Variants in PCDH15 observed in about 807,000 individuals in gnomAD.
PCDH15 encodes the protein protocadherin-15.
In PCDH15, 129 loss-of-function variants were observed where a neutral mutation model predicts 178.5. The ratio of observed to expected loss-of-function variants is 0.72; its 90% CI spans 0.63 to 0.84. The LOEUF (loss-of-function observed/expected upper bound fraction) is 0.84. Among genes scored for constraint, PCDH15 ranks in the 40% least tolerant of loss-of-function variants. The probability of loss-of-function intolerance (pLI) is 0.00; values close to 1 mark genes in which losing one functional copy is unlikely to be tolerated. For synonymous variants in PCDH15, 800 were observed against 732.0 expected, an observed-to-expected ratio of 1.09 and a Z score of -1.50; for missense variants, 2,230 against 2,099.9, an observed-to-expected ratio of 1.06 and a Z score of -1.21.
intron 2 of PCDH15, among the ~76,000 whole-genome samples, chr10:55,446,932 G>A (rs1839330853): frequency 6.6e-6 from 1 of 152,008 alleles, no homozygotes; most frequent in African/African-American, 2.4e-5. Context: ...CATTGTAAAG[G>A]TCTACATTCT....
At chr10:53,981,433 A>G (rs968071398) in intron 21 of PCDH15, among the ~76,000 whole-genome samples, 4 of 152,236 alleles carry the variant, frequency 2.6e-5, no homozygotes, top group Non-Finnish European at 4.4e-5. Context: ...ACAAGGCTAC[A>G]GTAACCAAAA....
At chr10:54,620,358 A>G (rs77895363) in intron 2 of PCDH15, among the ~76,000 whole-genome samples, 5,765 of 152,150 alleles carry the variant, frequency 0.038, 342 homozygotes, top group African/African-American at 0.13. Context: ...AATGGATTTA[A>G]TATATCAGAT....
intron 25 of PCDH15, among the ~76,000 whole-genome samples, chr10:53,914,078 C>A (rs2083350546): frequency 6.6e-6 from 1 of 152,170 alleles, no homozygotes; most frequent in South Asian, 2.1e-4. Flanking sequence ...CATCTCACAC[C>A]AGTTAGAATG....
At chr10:53,943,045 ATTAC>A (rs1339615751) in intron 23 of PCDH15, among the ~76,000 whole-genome samples, 19 of 152,194 alleles carry the variant, frequency 1.2e-4, no homozygotes, top group African/African-American at 3.6e-4. Context: ...GGAAGTAGAC[ATTAC>A]TTAAATTGTT....
intron 1 of PCDH15, chr10:55,247,881 G>T (rs1841724306): frequency 7.3e-6 from 1 of 136,602 alleles, no homozygotes; most frequent in East Asian, 2.1e-4. Context: ...GACAGAGTGA[G>T]ACGCTGTCTG....
chr10:55,031,280 T>C (rs1840603252), intron 2 of PCDH15, among the ~76,000 whole-genome samples: 1 of 152,206 alleles, frequency 6.6e-6, no homozygotes, highest in Non-Finnish European at 1.5e-5. Context: ...AATGCACTGG[T>C]ATACAGTTTA....
chr10:54,389,573 G>A (rs1420980980), intron 3 of PCDH15, among the ~76,000 whole-genome samples: 5 of 152,058 alleles, frequency 3.3e-5, no homozygotes, highest in African/African-American at 4.8e-5. Flanking sequence ...TTCGAAATCC[G>A]TATTTGCGGC....
At chr10:55,192,889 T>C (rs561724166) in intron 1 of PCDH15, among the ~76,000 whole-genome samples, 2 of 151,618 alleles carry the variant, frequency 1.3e-5, no homozygotes, top group Admixed American at 1.3e-4. Flanking sequence ...ACATATATAA[T>C]CTGTTTATTG....
chr10:54,385,291 A>G (rs1949780599), intron 3 of PCDH15, among the ~76,000 whole-genome samples: 1 of 152,122 alleles, frequency 6.6e-6, no homozygotes, highest in African/African-American at 2.4e-5. Flanking sequence ...TGTAAACAAT[A>G]AGGCAAAATT....
At chr10:55,306,158 T>C (rs1843420217) in intron 1 of PCDH15, among the ~76,000 whole-genome samples, 1 of 152,194 alleles carries the variant, frequency 6.6e-6, no homozygotes, top group Admixed American at 6.5e-5. Context: ...ATCAAGAGTT[T>C]ACCGTAAGGT....
intron 18 of PCDH15, among the ~76,000 whole-genome samples, chr10:54,038,177 TA>T (rs2093462790): frequency 6.6e-6 from 1 of 151,968 alleles, no homozygotes; most frequent in Admixed American, 6.6e-5. Context: ...TGAGATATCA[TA>T]AACTAAATAG....
At chr10:55,090,026 G>T (rs1166067259) in intron 2 of PCDH15, among the ~76,000 whole-genome samples, 1 of 151,900 alleles carries the variant, frequency 6.6e-6, no homozygotes, top group African/African-American at 2.4e-5. Flanking sequence ...TAATAAAGTT[G>T]CATTTAATGA....
chr10:55,417,947 T>G (rs965088366), intron 2 of PCDH15, among the ~76,000 whole-genome samples: 1 of 151,474 alleles, frequency 6.6e-6, no homozygotes, highest in Non-Finnish European at 1.5e-5. Context: ...AAAATAAAAA[T>G]TCACCTAATC....
intron 1 of PCDH15, among the ~76,000 whole-genome samples, chr10:55,222,534 T>G (rs1840906969): frequency 6.6e-6 from 1 of 151,750 alleles, no homozygotes; most frequent in South Asian, 2.1e-4. Flanking sequence ...TATTTTTCTT[T>G]GTTCATTGTT....
chr10:55,148,967 A>G (rs1838607957), intron 2 of PCDH15, among the ~76,000 whole-genome samples: 1 of 151,272 alleles, frequency 6.6e-6, no homozygotes, highest in Admixed American at 6.6e-5. Context: ...AAAGAGGAAT[A>G]AAACTTAGGG....
chr10:55,432,437 C>A (rs1838905899), intron 2 of PCDH15, among the ~76,000 whole-genome samples: 1 of 152,182 alleles, frequency 6.6e-6, no homozygotes, highest in East Asian at 1.9e-4. Context: ...CTTCAAGAAA[C>A]CACTTTGGTA....
At chr10:54,424,580 T>C (rs1190496229) in intron 3 of PCDH15, among the ~76,000 whole-genome samples, 1 of 149,748 alleles carries the variant, frequency 6.7e-6, no homozygotes, top group Non-Finnish European at 1.5e-5. Flanking sequence ...TGTGGCATTA[T>C]TCACAATAGC....
intron 29 of PCDH15, among the ~76,000 whole-genome samples, chr10:53,838,659 A>G (rs1044960059): frequency 1.3e-5 from 2 of 152,196 alleles, no homozygotes; most frequent in African/African-American, 2.4e-5. Flanking sequence ...AGATTCACAT[A>G]AAAAAGAAAT....
intron 3 of PCDH15, among the ~76,000 whole-genome samples, chr10:54,452,105 G>A (rs2076516124): frequency 6.6e-6 from 1 of 151,734 alleles, no homozygotes; most frequent in Non-Finnish European, 1.5e-5. Flanking sequence ...CCAGTTCTGA[G>A]GCATATTCTG....
Sources: gnomAD v4.1 joint callset for allele counts (sites outside exome capture counted in the v4.1 genomes callset) on GRCh38, gnomAD v4.1.1 for gene constraint, MANE v1.5 for transcripts, NCBI Gene and HGNC (gene_info 2026-07-23, HGNC 2026-07-21) for gene names.